The following MAK variants were observed in gnomAD, a reference collection of about 807,000 sequenced individuals.
MAK encodes the protein male germ cell associated kinase.
In MAK, 65 loss-of-function variants were observed where a neutral mutation model predicts 82.6. That is an observed-to-expected ratio of 0.79 (90% CI 0.64 to 0.97). The LOEUF is 0.97. MAK is among the 50% of genes least tolerant of loss of function. MAK has a pLI of 0.00. For synonymous variants in MAK, 250 were observed against 274.2 expected (o/e 0.91, Z 0.87); for missense variants, 703 against 780.2 (o/e 0.90, Z 1.18).
intron 2 of MAK, chr6:10,828,889 G>A (rs780862131): frequency 5.3e-5 from 8 of 152,180 alleles, no homozygotes; most frequent in Non-Finnish European, 1.0e-4. Context: ...AAGCCAAGGA[G>A]AGAGGCCTCA....
chr6:10,819,038 G>T (rs988209673), intron 2 of MAK, 98 bp from the exon 3 acceptor site: 1 of 731,712 alleles, frequency 1.4e-6, no homozygotes, highest in Admixed American at 2.0e-5. Flanking sequence ...GTTCACTTTG[G>T]GCGAGCTATC....
intron 8 of MAK, chr6:10,797,884 G>T: frequency 7.8e-7 from 1 of 1,281,378 alleles, no homozygotes. Flanking sequence ...CTGTGAAACA[G>T]AGCACAAGAA....
chr6:10,773,128 A>C lies in MAK; in HGVS notation c.1598-20T>G. ...TTTCTTCTAAAGAGAAGACAGATGG[A>C]AAGAAAGAATAATAGTAAGGAGAAT... On this transcript the variant is annotated intron_variant, in intron 12 of 14. Transcript: ENST00000354489. 1 of 1,320,364 alleles carries C rather than the reference A, an allele frequency of 7.6e-7. No individual in the cohort carries two copies. Among genetic ancestry groups the C allele is most frequent in the Non-Finnish European group, 1.0e-6 (1 of 956,756 alleles). The allele number at this position is 1,320,364 out of a possible 1,614,324, so 81.8% of individuals were successfully genotyped here. A position where few individuals can be genotyped will look rare whatever the true frequency, so the allele number is the denominator to read the frequency against.
chr6:10,836,330 GCTT>G (rs1779148084), intron 1 of MAK, among the ~76,000 whole-genome samples: 1 of 152,240 alleles, frequency 6.6e-6, no homozygotes, highest in African/African-American at 2.4e-5. Context: ...CTTTGGAAAG[GCTT>G]CTTTTGAACT....
chr6:10,771,895 C>T (rs1773051135), intron 13 of MAK, among the ~76,000 whole-genome samples: 1 of 152,226 alleles, frequency 6.6e-6, no homozygotes, highest in Non-Finnish European at 1.5e-5. Context: ...AAATTCAAAG[C>T]AGTGATTGCA....
chr6:10,806,080 TGAGA>T (rs1776419054), intron 6 of MAK, among the ~76,000 whole-genome samples: 1 of 152,186 alleles, frequency 6.6e-6, no homozygotes, highest in Non-Finnish European at 1.5e-5. Context: ...AATTAGTTCC[TGAGA>T]GAGTGGGTTG....
intron 2 of MAK, among the ~76,000 whole-genome samples, chr6:10,823,994 CAAACA>C (rs1030735900): frequency 8.0e-5 from 7 of 87,960 alleles, no homozygotes; most frequent in Non-Finnish European, 1.6e-4. Flanking sequence ...GTTTTGGTAA[CAAACA>C]AAAAAAAAAA....
At chr6:10,797,661 A>G in intron 8 of MAK, 2 of 985,438 alleles carry the variant, frequency 2.0e-6, no homozygotes, top group Non-Finnish European at 2.4e-6. Flanking sequence ...GTTCCTTAAG[A>G]TGGTCAAGCT....
intron 5 of MAK, among the ~76,000 whole-genome samples, chr6:10,812,136 G>A (rs768418697): frequency 3.9e-5 from 6 of 152,110 alleles, no homozygotes; most frequent in Non-Finnish European, 8.8e-5. Flanking sequence ...GGAAGTGGAG[G>A]CTGCAGTGAG....
At position 10,808,913 on chromosome 6, in the gene MAK, T is replaced by G. The variant is rs387906646; in HGVS notation, c.388A>C (p.Asn130His). 3 of 1,613,820 alleles carry G rather than the reference T, an allele frequency of 1.9e-6. No individual in the cohort carries two copies. The highest frequency in any genetic ancestry group is 2.5e-6 in the Non-Finnish European group (3 of 1,179,838). Residue 130 changes from asparagine to histidine, a missense_variant, in exon 6 of 15, where the codon AAC (asparagine) becomes CAC (histidine). Coordinates refer to ENST00000354489, the MANE Select transcript of MAK (RefSeq NM_001242957.3). Reference protein sequence around the residue: ...GFFHRDMKPENLLCMGPELVK... With the variant: ...GFFHRDMKPEHLLCMGPELVK... ...AGCTCTGGACCCATACAAAGCAAGT[T>G]TTCTGGTTTCATGTCCCTATGAAAA...
intron 12 of MAK, among the ~76,000 whole-genome samples, chr6:10,774,953 C>T (rs1199631304): frequency 1.3e-5 from 2 of 152,218 alleles, no homozygotes; most frequent in Non-Finnish European, 2.9e-5. Flanking sequence ...TAGCTGTACT[C>T]AAGAATTAGT....
intron 10 of MAK, among the ~76,000 whole-genome samples, chr6:10,790,416 CAA>C (rs71550732): frequency 6.9e-6 from 1 of 145,948 alleles, no homozygotes; most frequent in Non-Finnish European, 1.5e-5. Flanking sequence ...AAGAGGAAAA[CAA>C]AAAAAAAAGA....
rs1486874036 is a variant in MAK, at chr6:10,784,337, C to T, written c.1465+87G>A. 6.2e-6 allele frequency: 9 copies of T among 1,460,820 alleles called. No individual in the cohort carries two copies. The African/African-American group carries it at 1.1e-4, about 18-fold the overall frequency. 90.5% of individuals were successfully genotyped at this position (1,460,820 alleles called of 1,614,324 possible). On this transcript the variant is annotated intron_variant, in intron 11 of 14. Transcript: ENST00000354489. ...TGTGATTAGATTTTTTGCTTCACTGCTGCCCTTTCTTTGGAGATTCCAAGA... is the reference window on the plus strand; with the variant it reads ...TGTGATTAGATTTTTTGCTTCACTGTTGCCCTTTCTTTGGAGATTCCAAGA...
At position 10,831,009 on chromosome 6, in the gene MAK, C is replaced by G. The variant is rs1159857484; in HGVS notation, c.-229-132G>C. ...TTGTGTTAAATATTTGTCAGTAAGT[C>G]ATTTGTCTATGTAAAATGAAGTTCA... On this transcript the variant is annotated intron_variant, in intron 1 of 14. Transcript: ENST00000354489. 10 of 317,170 alleles carry G rather than the reference C, an allele frequency of 3.2e-5. No individual in the cohort carries two copies. In the East Asian group the frequency reaches 7.3e-4, roughly 23 times the overall value. The allele number at this position is 317,170 out of a possible 1,614,324, so 19.6% of individuals were successfully genotyped here. A position where few individuals can be genotyped will look rare whatever the true frequency, so the allele number is the denominator to read the frequency against.
At position 10,773,126 on chromosome 6, in the gene MAK, G is replaced by A; in HGVS notation, c.1598-18C>T. The A allele has an allele frequency of 1.5e-6, 2 of 1,330,786 alleles. No homozygotes were observed. The highest frequency in any genetic ancestry group is 2.1e-6 in the Non-Finnish European group (2 of 968,736). 82.4% of individuals were successfully genotyped at this position (1,330,786 alleles called of 1,614,324 possible). On this transcript the variant is annotated intron_variant, in intron 12 of 14. Coordinates refer to ENST00000354489, the MANE Select transcript of MAK (RefSeq NM_001242957.3). The stretch of plus-strand genomic sequence containing the variant: ...GCTTTCTTCTAAAGAGAAGACAGAT[G>A]GAAAGAAAGAATAATAGTAAGGAGA...
chr6:10,809,448 A>G (rs1776753763), intron 5 of MAK, among the ~76,000 whole-genome samples: 1 of 152,158 alleles, frequency 6.6e-6, no homozygotes, highest in African/African-American at 2.4e-5. Context: ...CTCTCGGCCC[A>G]CTAAGTAGCT....
At chr6:10,806,592 C>T (rs1025301060) in intron 6 of MAK, among the ~76,000 whole-genome samples, 3 of 149,132 alleles carry the variant, frequency 2.0e-5, no homozygotes, top group Admixed American at 6.9e-5. Context: ...TTCCTGACCT[C>T]GTGATCCACC....
intron 10 of MAK, chr6:10,785,027 T>G (rs1250403425): frequency 1.1e-5 from 5 of 453,854 alleles, no homozygotes; most frequent in Admixed American, 2.4e-5. Context: ...GTATACAATT[T>G]CCCGTCACCC....
intron 1 of MAK, 140 bp downstream of exon 1, chr6:10,838,363 G>C (rs564261): frequency 0.97 from 147,883 of 152,394 alleles, 71,779 homozygotes; most frequent in East Asian, 1. Context: ...ACCGGTCTCC[G>C]GGCGGAGATT....
Sources: allele counts gnomAD v4.1 joint callset (sites outside exome capture counted in the v4.1 genomes callset), GRCh38; gene constraint gnomAD v4.1.1; transcripts MANE v1.5; gene names NCBI Gene and HGNC (gene_info 2026-07-23, HGNC 2026-07-21).